Variants in BIK observed in about 807,000 individuals in gnomAD.
BIK encodes the protein bcl-2-interacting killer.
A neutral mutation model predicts 12.1 loss-of-function variants in BIK; 14 were observed. The observed-to-expected ratio is 1.16, with a 90% CI of 0.77 to 1.81. BIK has a LOEUF of 1.81. BIK is among the 40% of genes most tolerant of loss of function. The pLI is 0.00. For missense variants in BIK, 215 were observed against 207.9 expected (o/e 1.03, Z -0.21); for synonymous variants, 86 against 92.3 (o/e 0.93, Z 0.39).
At chr22:43,112,096 TTAG>T (rs1930022261) in intron 1 of BIK, among the ~76,000 whole-genome samples, 1 of 152,332 alleles carries the variant, frequency 6.6e-6, no homozygotes, top group African/African-American at 2.4e-5. Flanking sequence ...CCCTCTCAAG[TTAG>T]TAGCCTCCCT....
intron 1 of BIK, among the ~76,000 whole-genome samples, chr22:43,113,269 T>C (rs1225084428): frequency 6.6e-6 from 1 of 152,214 alleles, no homozygotes; most frequent in Non-Finnish European, 1.5e-5. Flanking sequence ...GGGTACTCTA[T>C]GGCTGGATAG....
At chr22:43,117,355 C>T (rs904977471) in intron 1 of BIK, among the ~76,000 whole-genome samples, 3 of 150,144 alleles carry the variant, frequency 2.0e-5, no homozygotes, top group Non-Finnish European at 4.4e-5. Context: ...GTACATACTA[C>T]GGATTTTTTT....
In BIK at chr22:43,129,459, C is replaced by T. The variant is rs1254908377; in HGVS notation, c.*154C>T. 3.1e-6 allele frequency: 4 copies of T among 1,270,016 alleles called. No individual in the cohort carries two copies. Among genetic ancestry groups the T allele is most frequent in the East Asian group, 2.7e-5 (1 of 36,820 alleles). 78.7% of individuals were successfully genotyped at this position (1,270,016 alleles called of 1,614,324 possible). The stretch of plus-strand genomic sequence containing the variant: ...GCTGGAACACTGCTGAGGTTTTATA[C>T]TCAGGTTTTTTGTTTTTTTTTTATT... On this transcript the variant is annotated 3_prime_UTR_variant, in exon 5 of 5. Transcript: ENST00000216115.
chr22:43,122,233 A>G (rs1930233702), intron 1 of BIK, among the ~76,000 whole-genome samples: 2 of 152,248 alleles, frequency 1.3e-5, no homozygotes, highest in South Asian at 4.1e-4. Flanking sequence ...GCTCAGTGAG[A>G]TGGTGGGAGG....
chr22:43,117,483 C>T (rs1601728981), intron 1 of BIK, among the ~76,000 whole-genome samples: 2 of 151,882 alleles, frequency 1.3e-5, no homozygotes, highest in East Asian at 3.9e-4. Flanking sequence ...ATTCTCCTGC[C>T]TCAGCCTCCC....
intron 1 of BIK, among the ~76,000 whole-genome samples, chr22:43,114,824 C>T (rs1266629016): frequency 6.6e-6 from 1 of 152,226 alleles, no homozygotes; most frequent in Non-Finnish European, 1.5e-5. Flanking sequence ...TTAGTGGGCA[C>T]TTACTGCATA....
intron 2 of BIK, among the ~76,000 whole-genome samples, chr22:43,124,420 G>A (rs527870995): frequency 3.2e-4 from 48 of 152,320 alleles, no homozygotes; most frequent in South Asian, 8.3e-4. Context: ...CATGTTCACA[G>A]TCTCAAGATG....
rs561499573 is a variant in BIK at position 43,117,564 on chromosome 22, G to A, written c.-7-6452G>A. On this transcript the variant is annotated intron_variant, in intron 1 of 4. Coordinates refer to ENST00000216115, the MANE Select transcript of BIK (RefSeq NM_001197.5). ...TTTTTGTATTTTTAGTAGAGACAGG[G>A]TTTCACTGTGTTAGCCAGGATGCTC... 1.1e-4 allele frequency among the ~76,000 whole-genome samples: 16 copies of A among 151,344 alleles called. No homozygotes were observed. In the South Asian group the frequency reaches 3.3e-3, roughly 32 times the overall value.
chr22:43,117,821 C>T (rs768959914), intron 1 of BIK, among the ~76,000 whole-genome samples: 1 of 151,848 alleles, frequency 6.6e-6, no homozygotes, highest in Non-Finnish European at 1.5e-5. Context: ...AGGCGCGCAC[C>T]ACCACACCTG....
At chr22:43,126,189 T>C (rs1343477071) in intron 2 of BIK, among the ~76,000 whole-genome samples, 1 of 138,538 alleles carries the variant, frequency 7.2e-6, no homozygotes, top group Non-Finnish European at 1.6e-5. Context: ...CATGCCCGGC[T>C]TTTTTTTTTT....
intron 1 of BIK, 64 bp from the exon 2 acceptor site, chr22:43,123,952 G>C: frequency 6.4e-7 from 1 of 1,550,766 alleles, no homozygotes; most frequent in Non-Finnish European, 8.8e-7. Context: ...GGGTCATCCT[G>C]TGAGAGAGCC....
At position 43,128,368 on chromosome 22, in the gene BIK, C is replaced by T. The variant is rs147190936; in HGVS notation, c.261-128C>T. The T allele has an allele frequency of 3.9e-4, 471 of 1,222,538 alleles. No individual in the cohort carries two copies. In the African/African-American group the frequency reaches 6.4e-3, roughly 17 times the overall value. The allele number at this position is 1,222,538 out of a possible 1,614,324, so 75.7% of individuals were successfully genotyped here. A position where few individuals can be genotyped will look rare whatever the true frequency, so the allele number is the denominator to read the frequency against. Reference sequence around the variant, plus strand: ...GTGGAGGCGCCCACGGAAAGGGCCCCGGGTGGCTGTGGGGTGGGAGGGCAC... The same window carrying T: ...GTGGAGGCGCCCACGGAAAGGGCCCTGGGTGGCTGTGGGGTGGGAGGGCAC... On this transcript the variant is annotated intron_variant, in intron 3 of 4. Transcript: ENST00000216115.
intron 2 of BIK, among the ~76,000 whole-genome samples, chr22:43,127,384 C>A (rs994433033): frequency 6.6e-6 from 1 of 152,154 alleles, no homozygotes; most frequent in Non-Finnish European, 1.5e-5. Context: ...GGGCTCAGCA[C>A]CCCCAGACCT....
In BIK at chr22:43,129,276, A is replaced by G. The variant is rs1190410244; in HGVS notation, c.454A>G (p.Ser152Gly). The G allele has an allele frequency of 6.2e-7, 1 of 1,600,642 alleles. No individual in the cohort carries two copies. The highest frequency in any genetic ancestry group is 8.5e-7 in the Non-Finnish European group (1 of 1,179,080). The change falls in exon 5 of 5, where the codon AGC (serine) becomes GGC (glycine). Residue 152 changes from serine (S) to glycine (G), a missense_variant. Transcript: ENST00000216115. ...GCTGGCGCTGCTGCTGCCGCTGCTCAGCGGGGGCCTGCACCTGCTGCTCAA... is the reference window on the plus strand; with the variant it reads ...GCTGGCGCTGCTGCTGCCGCTGCTCGGCGGGGGCCTGCACCTGCTGCTCAA... ...LLLALLLPLL[S>G]GGLHLLLK
intron 1 of BIK, among the ~76,000 whole-genome samples, chr22:43,112,516 C>T (rs1930031105): frequency 6.6e-6 from 1 of 151,904 alleles, no homozygotes; most frequent in Non-Finnish European, 1.5e-5. Flanking sequence ...TTAAATACTC[C>T]TGCCTCAGCC....
At chr22:43,119,209 C>T (rs930067732) in intron 1 of BIK, among the ~76,000 whole-genome samples, 2 of 151,786 alleles carry the variant, frequency 1.3e-5, no homozygotes, top group Admixed American at 6.6e-5. Context: ...AGGCTAAGTG[C>T]GGGCTGTAGC....
At chr22:43,127,826 C>T in intron 3 of BIK, 31 bp downstream of exon 3, 2 of 1,526,814 alleles carry the variant, frequency 1.3e-6, no homozygotes, top group Non-Finnish European at 1.8e-6. Context: ...GCCTCTACAC[C>T]TGGGGAGGGG....
intron 2 of BIK, among the ~76,000 whole-genome samples, chr22:43,125,158 G>A (rs145747931): frequency 2.0e-5 from 3 of 152,340 alleles, no homozygotes; most frequent in African/African-American, 7.2e-5. Context: ...ACAATGAATA[G>A]TGAGGATGAC....
chr22:43,119,846 T>C (rs1002543560), intron 1 of BIK, among the ~76,000 whole-genome samples: 1 of 152,128 alleles, frequency 6.6e-6, no homozygotes, highest in Non-Finnish European at 1.5e-5. Context: ...CAGTGGTACA[T>C]ACCTGTCGAG....
Sources: gnomAD v4.1 joint callset for allele counts (sites outside exome capture counted in the v4.1 genomes callset) on GRCh38, gnomAD v4.1.1 for gene constraint, MANE v1.5 for transcripts, NCBI Gene and HGNC (gene_info 2026-07-23, HGNC 2026-07-21) for gene names.